INTS7: variants seen among roughly 807,000 people sequenced by gnomAD.
The protein encoded by INTS7 is chromosome 1 open reading frame 73.
A neutral mutation model predicts 109.2 loss-of-function variants in INTS7; 46 were observed. The observed-to-expected ratio is 0.42, with a 90% CI of 0.33 to 0.54. The LOEUF is 0.54. Among genes scored for constraint, INTS7 ranks in the 20% least tolerant of loss-of-function variants. The pLI is 0.07. For synonymous variants in INTS7, 412 were observed against 402.9 expected (o/e 1.02, Z -0.27); for missense variants, 929 against 1,132.4 (o/e 0.82, Z 2.58).
chr1:211,950,274 C>G (rs2102384938), intron 17 of INTS7, among the ~76,000 whole-genome samples: 1 of 152,182 alleles, frequency 6.6e-6, no homozygotes, highest in Middle Eastern at 3.4e-3. Flanking sequence ...AACTTACTTA[C>G]TTACTTATTT....
chr1:211,955,587 A>G (rs898031617), intron 16 of INTS7, among the ~76,000 whole-genome samples: 1 of 152,206 alleles, frequency 6.6e-6, no homozygotes, highest in Non-Finnish European at 1.5e-5. Flanking sequence ...ATTTCTAACT[A>G]AACTTTTGAA....
In INTS7 at chr1:211,966,502, G is replaced by A. The variant is rs779616149; in HGVS notation, c.2115-4C>T. 6.3e-7 allele frequency: 1 copy of A among 1,596,876 alleles called. No homozygotes were observed. ...CAGTAAACAGCTCTGCTGCTGTCTG[G>A]ATTGATGTTAAGGTTACATACGAAA... is the stretch of plus-strand genomic sequence containing the variant. On this transcript the variant is annotated splice_region_variant and splice_polypyrimidine_tract_variant and intron_variant, in intron 15 of 19. Coordinates refer to ENST00000366994, the MANE Select transcript of INTS7 (RefSeq NM_015434.4).
At chr1:212,018,566 A>G (rs1229506560) in intron 3 of INTS7, among the ~76,000 whole-genome samples, 2 of 151,982 alleles carry the variant, frequency 1.3e-5, no homozygotes, top group Non-Finnish European at 2.9e-5. Flanking sequence ...CCAAATGGAA[A>G]AGCCTCTTGT....
chr1:212,014,855 C>T (rs984148654), intron 4 of INTS7, among the ~76,000 whole-genome samples: 2 of 152,218 alleles, frequency 1.3e-5, no homozygotes, highest in Admixed American at 6.5e-5. Context: ...CTCAATCTTG[C>T]CCAGGCTGGA....
chr1:212,011,406 T>C lies in INTS7; in HGVS notation c.525A>G (p.Gly175=). ...TCATTTCACTGATTTTGTTACAGAT[T>C]CCTACAGCAAAATCCCTTTGGAAAA... ...FSAQSKDFAV[G]ICNKISEMIQ... is the part of the protein sequence containing the mutation. Residue 175 remains glycine (G), a synonymous_variant, in exon 5 of 20, where the codon GGA becomes GGG. Transcript: ENST00000366994. 1 of 1,584,296 alleles carries C rather than the reference T, an allele frequency of 6.3e-7. No individual in the cohort carries two copies.
chr1:212,033,683 A>C (rs780344278), intron 1 of INTS7, among the ~76,000 whole-genome samples: 1 of 152,238 alleles, frequency 6.6e-6, no homozygotes, highest in Non-Finnish European at 1.5e-5. Context: ...AGAATGGTAG[A>C]AAATGTCCTT....
intron 16 of INTS7, among the ~76,000 whole-genome samples, chr1:211,958,874 C>T (rs1008026970): frequency 6.6e-6 from 1 of 152,114 alleles, no homozygotes; most frequent in Non-Finnish European, 1.5e-5. Flanking sequence ...CAGCTACCAC[C>T]AAGGGACCAG....
chr1:212,024,266 T>A (rs1571917245), intron 1 of INTS7, among the ~76,000 whole-genome samples: 1 of 152,190 alleles, frequency 6.6e-6, no homozygotes, highest in South Asian at 2.1e-4. Flanking sequence ...GATAGTTTGA[T>A]AGTAATAGCA....
In INTS7 at chr1:211,981,183, C is replaced by T. The variant is rs1664648265; in HGVS notation, c.1140G>A (p.Leu380=). ...ITVSCQEKDL[L]ALEQDAVFGL... is the part of the protein sequence containing the mutation. ...CAAAGACAGCATCTTGTTCCAGTGC[C>T]AAAAGATCTAGAAGAAAAACAGTAA... Residue 380 remains leucine (L), a synonymous_variant, in exon 10 of 20, where the codon TTG becomes TTA. Transcript: ENST00000366994. 8.1e-6 allele frequency: 13 copies of T among 1,609,134 alleles called. No individual in the cohort carries two copies. The highest frequency in any genetic ancestry group is 1.1e-5 in the Non-Finnish European group (13 of 1,175,790).
At chr1:212,003,305 C>CAAAAAA (rs35903155) in intron 7 of INTS7, among the ~76,000 whole-genome samples, 1 of 61,890 alleles carries the variant, frequency 1.6e-5, no homozygotes, top group African/African-American at 5.2e-5. Flanking sequence ...AATTTTAAAG[C>CAAAAAA]AAAAAAAAAA....
rs1429245326 is a variant in INTS7 at position 212,016,867 on chromosome 1, T to C, written c.509+19A>G. 2 of 1,579,680 alleles carry C rather than the reference T, an allele frequency of 1.3e-6. No individual in the cohort carries two copies. On this transcript the variant is annotated intron_variant, in intron 4 of 19. Coordinates refer to ENST00000366994, the MANE Select transcript of INTS7 (RefSeq NM_015434.4). The stretch of plus-strand genomic sequence containing the variant: ...TGGGAAGCCAAATTACTAAAAGGGA[T>C]GTACTTTTGTAAGCTTACTTTGACT...
chr1:212,020,751 CA>C (rs757295423), intron 2 of INTS7: 190 of 1,018,076 alleles, frequency 1.9e-4, no homozygotes, highest in Admixed American at 2.2e-4. Flanking sequence ...ACATGCATCT[CA>C]TGCTATAAAA....
intron 10 of INTS7, 115 bp from the exon 11 acceptor site, chr1:211,978,626 CA>C: frequency 4.5e-6 from 5 of 1,106,358 alleles, no homozygotes; most frequent in Non-Finnish European, 6.4e-6. Flanking sequence ...TTCTTGTAGG[CA>C]TAACATTTTA....
chr1:212,011,994 T>C (rs1558052982), intron 4 of INTS7, among the ~76,000 whole-genome samples: 1 of 152,214 alleles, frequency 6.6e-6, no homozygotes, highest in Admixed American at 6.5e-5. Flanking sequence ...TGAGCCCAAA[T>C]AGAATAATTT....
chr1:211,969,107 AC>A (rs1276019541), intron 13 of INTS7, among the ~76,000 whole-genome samples: 1 of 151,968 alleles, frequency 6.6e-6, no homozygotes, highest in East Asian at 1.9e-4. Flanking sequence ...ACATGGTGAA[AC>A]CCCGTCTCTA....
At chr1:212,024,038 T>C (rs1571916962) in intron 1 of INTS7, among the ~76,000 whole-genome samples, 1 of 152,182 alleles carries the variant, frequency 6.6e-6, no homozygotes, top group Admixed American at 6.5e-5. Flanking sequence ...TGCAGCTTTA[T>C]CTCTGGGTTC....
intron 7 of INTS7, among the ~76,000 whole-genome samples, chr1:212,002,422 CTA>C (rs1399019270): frequency 1.3e-5 from 2 of 152,202 alleles, no homozygotes; most frequent in Non-Finnish European, 2.9e-5. Context: ...CAGAGGCAAT[CTA>C]TCTCATGTAG....
intron 10 of INTS7, among the ~76,000 whole-genome samples, chr1:211,980,409 CA>C (rs1212921763): frequency 1.3e-5 from 2 of 152,040 alleles, no homozygotes; most frequent in Non-Finnish European, 2.9e-5. Context: ...CGTTTCACTC[CA>C]AAAAGAGTAG....
intron 16 of INTS7, among the ~76,000 whole-genome samples, chr1:211,955,691 A>G (rs1214661177): frequency 6.6e-6 from 1 of 152,234 alleles, no homozygotes; most frequent in Non-Finnish European, 1.5e-5. Context: ...AAGGCATTTC[A>G]GCCAGGTATT....
Sources: gnomAD v4.1 joint callset for allele counts (sites outside exome capture counted in the v4.1 genomes callset) on GRCh38, gnomAD v4.1.1 for gene constraint, MANE v1.5 for transcripts, NCBI Gene and HGNC (gene_info 2026-07-23, HGNC 2026-07-21) for gene names.